Variants in WASF3 observed in about 807,000 individuals in gnomAD.
The protein encoded by WASF3 is WASP family member 3.
In WASF3, 11 loss-of-function variants were observed where a neutral mutation model predicts 46.6. That is an observed-to-expected ratio of 0.24 (90% confidence interval 0.15 to 0.39). The LOEUF (loss-of-function observed/expected upper bound fraction) is 0.39. WASF3 is among the 10% of genes least tolerant of loss of function. The pLI, the probability that WASF3 is intolerant of heterozygous loss-of-function variation, is 1.00. For synonymous variants in WASF3, 242 were observed against 259.7 expected (o/e 0.93, Z 0.65); for missense variants, 576 against 669.8 (o/e 0.86, Z 1.55).
intron 3 of WASF3, among the ~76,000 whole-genome samples, chr13:26,653,658 G>T (rs1200875491): frequency 6.6e-6 from 1 of 152,134 alleles, no homozygotes; most frequent in African/African-American, 2.4e-5. Context: ...GCTGTGCTTT[G>T]TCTCCTCAGT....
chr13:26,658,719 C>G (rs1055226973), intron 3 of WASF3, among the ~76,000 whole-genome samples: 4 of 152,150 alleles, frequency 2.6e-5, no homozygotes, highest in Admixed American at 6.5e-5. Context: ...AGGTGAAAGG[C>G]AGAACTCCAA....
intron 2 of WASF3, chr13:26,640,333 A>G (rs1309003061): frequency 6.6e-6 from 1 of 152,042 alleles, no homozygotes; most frequent in African/African-American, 2.4e-5. Flanking sequence ...GGCTGGTTGT[A>G]TGATTAGGAG....
At chr13:26,605,121 G>A (rs1162204505) in intron 1 of WASF3, among the ~76,000 whole-genome samples, 1 of 152,082 alleles carries the variant, frequency 6.6e-6, no homozygotes, top group Non-Finnish European at 1.5e-5. Context: ...TTTTCCTCCA[G>A]TTCTCAGTCT....
intron 2 of WASF3, among the ~76,000 whole-genome samples, chr13:26,635,211 G>C (rs1459106923): frequency 6.6e-6 from 1 of 151,910 alleles, no homozygotes; most frequent in Non-Finnish European, 1.5e-5. Context: ...CTCTAAACTT[G>C]TCTTCTCACT....
intron 3 of WASF3, among the ~76,000 whole-genome samples, chr13:26,660,194 G>GTTTTTTTTTTTTTTTT (rs71080285): frequency 9.2e-5 from 4 of 43,374 alleles, no homozygotes; most frequent in African/African-American, 3.0e-4. Flanking sequence ...TTTTTGTTTG[G>GTTTTTTTTTTTTTTTT]TTTTTTTTTT....
chr13:26,567,589 A>G (rs1454801512), intron 1 of WASF3, among the ~76,000 whole-genome samples: 1 of 152,196 alleles, frequency 6.6e-6, no homozygotes, highest in African/African-American at 2.4e-5. Flanking sequence ...CATATTTGCT[A>G]TCTGGCTCTT....
chr13:26,593,552 C>T (rs945137802), intron 1 of WASF3, among the ~76,000 whole-genome samples: 6 of 151,922 alleles, frequency 3.9e-5, no homozygotes, highest in Non-Finnish European at 7.4e-5. Context: ...TGATAATATT[C>T]TTTTGTCACT....
intron 1 of WASF3, among the ~76,000 whole-genome samples, chr13:26,587,965 T>TA (rs1025234805): frequency 1.3e-5 from 2 of 152,070 alleles, no homozygotes; most frequent in African/African-American, 4.8e-5. Flanking sequence ...GAAAAAAGAC[T>TA]AAAAAATCCA....
At chr13:26,627,969 C>T (rs373468025) in intron 2 of WASF3, among the ~76,000 whole-genome samples, 1 of 151,774 alleles carries the variant, frequency 6.6e-6, no homozygotes, top group South Asian at 2.1e-4. Context: ...AACGAATCAG[C>T]AATCTTCCCT....
intron 2 of WASF3, among the ~76,000 whole-genome samples, chr13:26,635,453 A>C (rs543293420): frequency 2.0e-5 from 3 of 152,268 alleles, no homozygotes; most frequent in Admixed American, 2.0e-4. Context: ...AGCTCGGAGA[A>C]GTTTGTTATT....
chr13:26,673,822 A>G (rs1882987256), intron 6 of WASF3, among the ~76,000 whole-genome samples: 1 of 152,190 alleles, frequency 6.6e-6, no homozygotes, highest in Non-Finnish European at 1.5e-5. Context: ...AGTACAGAGC[A>G]CTCTGAGTGA....
intron 3 of WASF3, among the ~76,000 whole-genome samples, chr13:26,657,452 T>C (rs1882499402): frequency 6.6e-6 from 1 of 152,208 alleles, no homozygotes; most frequent in African/African-American, 2.4e-5. Flanking sequence ...CCATCACTTA[T>C]ATATAAACTG....
chr13:26,639,333 A>G (rs1181363333), intron 2 of WASF3, among the ~76,000 whole-genome samples: 3 of 152,250 alleles, frequency 2.0e-5, no homozygotes, highest in Non-Finnish European at 4.4e-5. Flanking sequence ...TAATTAGTCA[A>G]AGCTGAAATA....
intron 3 of WASF3, among the ~76,000 whole-genome samples, chr13:26,650,953 G>A (rs896512551): frequency 2.0e-4 from 30 of 152,120 alleles, no homozygotes; most frequent in African/African-American, 7.0e-4. Flanking sequence ...AAAAAGAGAA[G>A]GAATAGAGCA....
At chr13:26,589,437 G>T (rs545578275) in intron 1 of WASF3, among the ~76,000 whole-genome samples, 1 of 152,208 alleles carries the variant, frequency 6.6e-6, no homozygotes, top group Non-Finnish European at 1.5e-5. Context: ...GCCCAGCAGG[G>T]ATGGGCAACC....
intron 1 of WASF3, chr13:26,577,487 C>G (rs1879836726): frequency 1.7e-6 from 2 of 1,142,870 alleles, no homozygotes; most frequent in Non-Finnish European, 2.6e-6. Flanking sequence ...AAAGACTTGC[C>G]AATCCATTTA....
chr13:26,626,580 A>C (rs1881468877), intron 2 of WASF3, among the ~76,000 whole-genome samples: 1 of 152,212 alleles, frequency 6.6e-6, no homozygotes, highest in Non-Finnish European at 1.5e-5. Context: ...ACCCTAGTTA[A>C]AAGTCAGAGA....
At position 26,633,200 on chromosome 13, in the gene WASF3, C is replaced by CTTTTTTTTTTTTTTTTTTTTTTTTTTTTT. The variant is rs58237286; in HGVS notation, c.-10-9045_-10-9044insTTTTTTTTTTTTTTTTTTTTTTTTTTTTT. Reference sequence around the variant, plus strand: ...AGTTCTGTTTTGATCTTAGTTATTTCTTTTTTTTTTTTTTTTCTTGAGGCA... The same window carrying CTTTTTTTTTTTTTTTTTTTTTTTTTTTTT: ...AGTTCTGTTTTGATCTTAGTTATTTCTTTTTTTTTTTTTTTTTTTTTTTTTTTTTTTTTTTTTTTTTTTTTCTTGAGGCA... On this transcript the variant is annotated intron_variant, in intron 2 of 9. Coordinates refer to ENST00000335327, the MANE Select transcript of WASF3 (RefSeq NM_006646.6). Among the ~76,000 whole-genome samples the CTTTTTTTTTTTTTTTTTTTTTTTTTTTTT allele has an allele frequency of 8.8e-5, 8 of 90,420 alleles. 2 individuals carry two copies. The highest frequency in any genetic ancestry group is 1.5e-4 in the Non-Finnish European group (7 of 47,922). 59.3% of individuals were successfully genotyped at this position (90,420 alleles called of 152,430 possible). A position where few individuals can be genotyped will look rare whatever the true frequency, so the allele number is the denominator to read the frequency against.
intron 2 of WASF3, chr13:26,626,291 G>A (rs1424075024): frequency 2.0e-5 from 3 of 152,338 alleles, no homozygotes; most frequent in Non-Finnish European, 4.4e-5. Flanking sequence ...GCTGAAGATA[G>A]CCAGGGTGAT....
Sources: allele counts gnomAD v4.1 joint callset (sites outside exome capture counted in the v4.1 genomes callset), GRCh38; gene constraint gnomAD v4.1.1; transcripts MANE v1.5; gene names NCBI Gene and HGNC (gene_info 2026-07-23, HGNC 2026-07-21).